The following NDUFAF5 variants were observed in gnomAD, a reference collection of about 807,000 sequenced individuals.
NDUFAF5 encodes the protein arginine-hydroxylase NDUFAF5, mitochondrial.
In NDUFAF5, 34 loss-of-function variants were observed where a neutral mutation model predicts 48.9. The observed-to-expected ratio is 0.70, with a 90% confidence interval of 0.53 to 0.93. The LOEUF (loss-of-function observed/expected upper bound fraction) is 0.93. Among genes scored for constraint, NDUFAF5 ranks in the 40% least tolerant of loss-of-function variants. The pLI is 0.00. For missense variants in NDUFAF5, 428 were observed against 427.5 expected, an observed-to-expected ratio of 1.00 and a Z score of -0.01; for synonymous variants, 153 against 150.6, an observed-to-expected ratio of 1.02 and a Z score of -0.12.
At chr20:13,785,595 A>G (rs8113930) in intron 1 of NDUFAF5, among the ~76,000 whole-genome samples, 1,826 of 152,308 alleles carry the variant, frequency 0.012, 42 homozygotes, top group African/African-American at 0.042. Context: ...CCAAATCATC[A>G]GGGCCTTGCA....
In NDUFAF5 at chr20:13,787,349, C is replaced by T. The variant is rs1206839711; in HGVS notation, c.260C>T (p.Pro87Leu). ...SRIADRVYDI[P>L]RNFPLALDLG... ...ATCGCAGACCGTGTATATGACATAC[C>T]CAGGTAAGTGGTGGTGATCATAATA... Residue 87 changes from proline (P) to leucine (L), a missense_variant, in exon 2 of 11, where the codon CCC becomes CTC. Pro to Leu is a moderately conservative substitution (Grantham distance 98, BLOSUM62 -3). Coordinates refer to ENST00000378106, the MANE Select transcript of NDUFAF5 (RefSeq NM_024120.5). The T allele has an allele frequency of 6.2e-7, 1 of 1,613,688 alleles. No homozygotes were observed. The highest frequency in any genetic ancestry group is 1.7e-5 in the Admixed American group (1 of 59,992).
chr20:13,813,905 T>G (rs1196983278), intron 8 of NDUFAF5, among the ~76,000 whole-genome samples: 1 of 152,144 alleles, frequency 6.6e-6, no homozygotes, highest in East Asian at 1.9e-4. Flanking sequence ...GCTTCTAGAT[T>G]TTTTTCAGAT....
chr20:13,785,279 C>G lies in NDUFAF5; in HGVS notation c.211C>G (p.Leu71Val), dbSNP rs566963047. The change falls in exon 1 of 11, where the codon CTG becomes GTG. Residue 71 changes from leucine to valine, a missense_variant. Leu to Val is a conservative substitution (Grantham distance 32). Transcript: ENST00000378106. ...RQPEPTKFDY[L>V]KEEVGSRIAD... ...GCCCGAGCCGACCAAATTTGACTAC[C>G]TGAAGGAGGAGGTGAGCCCGCGGGG... The G allele has an allele frequency of 1.9e-5, 30 of 1,579,038 alleles. No homozygotes were observed. The South Asian group carries it at 2.9e-4, about 15-fold the overall frequency.
At chr20:13,787,374 A>G in intron 2 of NDUFAF5, 22 bp downstream of exon 2, 3 of 1,609,722 alleles carry the variant, frequency 1.9e-6, no homozygotes, top group Non-Finnish European at 2.6e-6. Context: ...TGATCATAAT[A>G]CAATACCATC....
chr20:13,813,894 G>T (rs74463648), intron 8 of NDUFAF5, among the ~76,000 whole-genome samples: 1,821 of 152,180 alleles, frequency 0.012, 42 homozygotes, highest in African/African-American at 0.042. Flanking sequence ...TAGGATCAGA[G>T]GCTTCTAGAT....
Position 13,817,397 on chromosome 20 carries a change from T to A in NDUFAF5, c.*187T>A, listed in dbSNP as rs750002078. 2.9e-6 allele frequency: 2 copies of A among 691,836 alleles called. No individual in the cohort carries two copies. The highest frequency in any genetic ancestry group is 2.6e-6 in the Non-Finnish European group (1 of 379,290). 42.9% of individuals were successfully genotyped at this position (691,836 alleles called of 1,614,324 possible). On this transcript the variant is annotated 3_prime_UTR_variant, in exon 11 of 11. Transcript: ENST00000378106. ...CAGTTTCATATTGTTTCTGTTCTCATAAGGATACTGCTGAGTGTCTTTGCA... is the reference window on the plus strand; with the variant it reads ...CAGTTTCATATTGTTTCTGTTCTCAAAAGGATACTGCTGAGTGTCTTTGCA...
intron 5 of NDUFAF5, among the ~76,000 whole-genome samples, chr20:13,796,239 G>A (rs1190582522): frequency 1.3e-5 from 2 of 152,200 alleles, no homozygotes; most frequent in African/African-American, 4.8e-5. Flanking sequence ...TTTCTTTCGT[G>A]AGTGTGTAAT....
chr20:13,816,773 G>A (rs1986514233), intron 9 of NDUFAF5, 102 bp from the exon 10 acceptor site: 1 of 823,336 alleles, frequency 1.2e-6, no homozygotes, highest in African/African-American at 1.7e-5. Flanking sequence ...AATCTTACAA[G>A]TATCCTTGTA....
intron 5 of NDUFAF5, among the ~76,000 whole-genome samples, chr20:13,797,022 CT>C (rs1983340965): frequency 6.6e-6 from 1 of 152,166 alleles, no homozygotes; most frequent in Non-Finnish European, 1.5e-5. Flanking sequence ...GTATACAGCT[CT>C]GGTTTTTGTT....
intron 5 of NDUFAF5, 89 bp downstream of exon 5, chr20:13,795,030 C>T (rs1011253361): frequency 3.2e-5 from 28 of 866,178 alleles, no homozygotes; most frequent in South Asian, 1.3e-4. Flanking sequence ...CGGTGGCTCA[C>T]GCCTGTAATG....
At chr20:13,793,259 A>G in intron 4 of NDUFAF5, 32 bp downstream of exon 4, 3 of 1,519,566 alleles carry the variant, frequency 2.0e-6, no homozygotes, top group Middle Eastern at 1.7e-4. Context: ...TTGGTTTCTA[A>G]TCTCGTGATG....
intron 2 of NDUFAF5, among the ~76,000 whole-genome samples, chr20:13,788,261 A>G (rs1446179408): frequency 6.6e-6 from 1 of 152,220 alleles, no homozygotes. Flanking sequence ...AGTTATTTTC[A>G]AGTTAATTTA....
At chr20:13,786,978 C>T (rs901418617) in intron 1 of NDUFAF5, among the ~76,000 whole-genome samples, 13 of 152,172 alleles carry the variant, frequency 8.5e-5, no homozygotes, top group Non-Finnish European at 1.6e-4. Flanking sequence ...TGCTAATATC[C>T]GTGGACAGTA....
rs2147515033 is a variant in NDUFAF5, at chr20:13,794,688, T to G, written c.376-150T>G. The G allele has an allele frequency of 1.1e-5, 7 of 662,028 alleles. No homozygotes were observed. The East Asian group carries it at 1.9e-4, about 18-fold the overall frequency. 41.0% of individuals were successfully genotyped at this position (662,028 alleles called of 1,614,324 possible). ...ATGTTAAGTCATTTAAGAAATGCTTTTTGGGTGCCTTCTCTGTGCCACCTT... is the reference window on the plus strand; with the variant it reads ...ATGTTAAGTCATTTAAGAAATGCTTGTTGGGTGCCTTCTCTGTGCCACCTT... On this transcript the variant is annotated intron_variant, in intron 4 of 10. Transcript: ENST00000378106.
In NDUFAF5 at chr20:13,808,834, TTAA is replaced by T; in HGVS notation, c.718-7_718-5del. On this transcript the variant is annotated splice_polypyrimidine_tract_variant and splice_region_variant and intron_variant, in intron 7 of 10. Transcript: ENST00000378106. Reference sequence around the variant, plus strand: ...GTCAAATGAATATTTCTTTTTCTTTTTAAATAGGACACTGATGAAATTCAAGTT... The same window carrying T: ...GTCAAATGAATATTTCTTTTTCTTTTATAGGACACTGATGAAATTCAAGTT... The T allele has an allele frequency of 4.5e-6, 7 of 1,542,830 alleles. No individual in the cohort carries two copies. Among genetic ancestry groups the T allele is most frequent in the Non-Finnish European group, 6.3e-6 (7 of 1,115,824 alleles).
chr20:13,790,085 T>C (rs1600323986), intron 3 of NDUFAF5, among the ~76,000 whole-genome samples: 1 of 151,814 alleles, frequency 6.6e-6, no homozygotes. Flanking sequence ...TGCTGTAGGG[T>C]GTGATATAGT....
At chr20:13,807,845 A>C (rs915349549) in intron 7 of NDUFAF5, among the ~76,000 whole-genome samples, 4 of 151,982 alleles carry the variant, frequency 2.6e-5, no homozygotes, top group African/African-American at 9.7e-5. Context: ...GCTACTCGGG[A>C]GGCTGAGGCA....
chr20:13,817,252 A>T lies in NDUFAF5; in HGVS notation c.*42A>T, dbSNP rs1165255602. ...AATGTCGTCCAGAATTTTCATCAGA[A>T]ATGGATAGCTTTAACATCTAAAATT... On this transcript the variant is annotated 3_prime_UTR_variant, in exon 11 of 11. Transcript: ENST00000378106. The T allele has an allele frequency of 7.2e-7, 1 of 1,397,334 alleles. No individual in the cohort carries two copies. Among genetic ancestry groups the T allele is most frequent in the Admixed American group, 1.7e-5 (1 of 59,726 alleles). 86.6% of individuals were successfully genotyped at this position (1,397,334 alleles called of 1,614,324 possible).
rs1187663896 is a variant in NDUFAF5, at chr20:13,794,898, C to G, written c.436C>G (p.Pro146Ala). The G allele has an allele frequency of 6.2e-7, 1 of 1,613,602 alleles. No homozygotes were observed. Among genetic ancestry groups the G allele is most frequent in the East Asian group, 2.2e-5 (1 of 44,876 alleles). Residue 146 changes from proline (P) to alanine (A), a missense_variant, in exon 5 of 11, where the codon CCC becomes GCC. By Grantham distance (27) the Pro-to-Ala change is conservative. Transcript: ENST00000378106. Reference protein sequence around the residue: ...VSVLADEEFLPFKENTFDLVV... With the variant: ...VSVLADEEFLAFKENTFDLVV... ...CGTTTTAGCTGATGAAGAATTCCTT[C>G]CCTTCAAAGAAAATACATTTGACCT... is the stretch of plus-strand genomic sequence containing the variant.
Sources: gnomAD v4.1 joint callset for allele counts (sites outside exome capture counted in the v4.1 genomes callset) on GRCh38, gnomAD v4.1.1 for gene constraint, MANE v1.5 for transcripts, NCBI Gene and HGNC (gene_info 2026-07-23, HGNC 2026-07-21) for gene names.